CRLF3: variants seen among roughly 807,000 people sequenced by gnomAD.
The protein encoded by CRLF3 is cytokine receptor-like factor 3.
In CRLF3, 33 loss-of-function variants were observed where a neutral mutation model predicts 55.0. That is an observed-to-expected ratio of 0.60 (90% CI 0.46 to 0.80). The LOEUF (loss-of-function observed/expected upper bound fraction) is 0.80, where lower values mean the gene tolerates loss of function less well. Ranked by LOEUF, CRLF3 falls within the 30% of genes least tolerant of loss-of-function variation. CRLF3 has a pLI of 0.00. For missense variants in CRLF3, 494 were observed against 538.4 expected, an observed-to-expected ratio of 0.92 and a Z score of 0.82; for synonymous variants, 238 against 196.8, an observed-to-expected ratio of 1.21 and a Z score of -1.75.
intron 1 of CRLF3, among the ~76,000 whole-genome samples, chr17:30,818,456 CTTTTT>C (rs1370656622): frequency 7.5e-6 from 1 of 133,270 alleles, no homozygotes; most frequent in Admixed American, 7.6e-5. Context: ...TTTTCTTTTC[CTTTTT>C]TTTTTTTTTT....
chr17:30,799,360 A>G (rs973415183), intron 2 of CRLF3, among the ~76,000 whole-genome samples: 9 of 152,026 alleles, frequency 5.9e-5, no homozygotes, highest in Admixed American at 2.0e-4. Context: ...CACTGCCTCA[A>G]AGGGATTTTT....
At chr17:30,812,540 A>G (rs747780497) in intron 1 of CRLF3, among the ~76,000 whole-genome samples, 2 of 152,054 alleles carry the variant, frequency 1.3e-5, no homozygotes, top group African/African-American at 2.4e-5. Context: ...ACTTTTTTAG[A>G]AAAAAAAGTG....
chr17:30,787,550 G>C (rs1210201556), intron 6 of CRLF3: 4 of 141,674 alleles, frequency 2.8e-5, no homozygotes, highest in Non-Finnish European at 6.2e-5. Context: ...AAAAAAATTA[G>C]TGTGAAACAA....
intron 1 of CRLF3, among the ~76,000 whole-genome samples, chr17:30,809,419 T>C (rs1904540015): frequency 6.6e-6 from 1 of 152,214 alleles, no homozygotes; most frequent in Non-Finnish European, 1.5e-5. Flanking sequence ...TGCTTGACTT[T>C]ATGAAACTAA....
At chr17:30,810,981 T>G (rs2142268107) in intron 1 of CRLF3, among the ~76,000 whole-genome samples, 1 of 151,816 alleles carries the variant, frequency 6.6e-6, no homozygotes, top group Middle Eastern at 3.4e-3. Flanking sequence ...CCCAGCTGCT[T>G]GGGAGGCTAA....
intron 6 of CRLF3, among the ~76,000 whole-genome samples, chr17:30,788,350 AAAAG>A (rs1293808585): frequency 6.8e-6 from 1 of 147,706 alleles, no homozygotes; most frequent in Non-Finnish European, 1.5e-5. Flanking sequence ...AAAAGAAAAG[AAAAG>A]AAAGAAGGAA....
Position 30,784,415 on chromosome 17 carries a change from C to T in CRLF3, c.1101G>A (p.Met367Ile). 6.2e-7 allele frequency: 1 copy of T among 1,613,142 alleles called. No individual in the cohort carries two copies. Among genetic ancestry groups the T allele is most frequent in the East Asian group, 2.2e-5 (1 of 44,842 alleles). ...AAGTAACTGCGGGTAACTGATTTGTCATTTCTTTTCCATTGACAAAAACTG... is the reference window on the plus strand; with the variant it reads ...AAGTAACTGCGGGTAACTGATTTGTTATTTCTTTTCCATTGACAAAAACTG... ...NGAVFVNGKEMTNQLPAVTSG... is the reference protein window; with the variant it reads ...NGAVFVNGKEITNQLPAVTSG... The change falls in exon 8 of 8, where the codon ATG (methionine) becomes ATA (isoleucine). Residue 367 changes from methionine to isoleucine, a missense_variant. Met to Ile is a conservative substitution (Grantham distance 10). Coordinates refer to ENST00000324238, the MANE Select transcript of CRLF3 (RefSeq NM_015986.4).
intron 1 of CRLF3, among the ~76,000 whole-genome samples, chr17:30,821,622 T>C (rs1905000776): frequency 6.6e-6 from 1 of 152,226 alleles, no homozygotes; most frequent in Non-Finnish European, 1.5e-5. Context: ...TACTGTTACA[T>C]GCTACCACAT....
chr17:30,795,035 T>C (rs980600421), intron 4 of CRLF3, among the ~76,000 whole-genome samples: 9 of 152,098 alleles, frequency 5.9e-5, no homozygotes, highest in African/African-American at 2.2e-4. Context: ...AAACTTCACA[T>C]ATGTCCATAA....
At chr17:30,814,251 C>T (rs9891159) in intron 1 of CRLF3, among the ~76,000 whole-genome samples, 62,564 of 151,230 alleles carry the variant, frequency 0.41, 15,515 homozygotes, top group African/African-American at 0.72. Flanking sequence ...AGCAAGACTC[C>T]GTCTCGAAAA....
At chr17:30,789,488 A>G (rs529732938) in intron 6 of CRLF3, among the ~76,000 whole-genome samples, 2 of 152,350 alleles carry the variant, frequency 1.3e-5, no homozygotes, top group African/African-American at 4.8e-5. Flanking sequence ...ACACAGTAAT[A>G]GAGAAACTGT....
intron 2 of CRLF3, 125 bp downstream of exon 2, chr17:30,803,776 G>C: frequency 1.3e-6 from 1 of 751,240 alleles, no homozygotes; most frequent in Non-Finnish European, 2.3e-6. Context: ...GGCCTCCCCA[G>C]CCACATGGAA....
At chr17:30,817,972 T>G (rs940476528) in intron 1 of CRLF3, among the ~76,000 whole-genome samples, 5 of 151,158 alleles carry the variant, frequency 3.3e-5, no homozygotes, top group African/African-American at 2.4e-5. Context: ...TTAAAACTAT[T>G]TCATCTGGGC....
intron 2 of CRLF3, among the ~76,000 whole-genome samples, chr17:30,800,816 C>T (rs1483367284): frequency 1.3e-5 from 2 of 151,256 alleles, no homozygotes; most frequent in Admixed American, 6.6e-5. Flanking sequence ...GCTCTGTCGC[C>T]CAGGCTGGAG....
At chr17:30,788,645 T>C (rs1362413631) in intron 6 of CRLF3, among the ~76,000 whole-genome samples, 1 of 141,766 alleles carries the variant, frequency 7.1e-6, no homozygotes, top group Non-Finnish European at 1.5e-5. Context: ...TCTCACTCTG[T>C]TGCCCCGGCT....
intron 1 of CRLF3, among the ~76,000 whole-genome samples, chr17:30,806,033 T>C (rs1904391873): frequency 1.3e-5 from 2 of 151,756 alleles, no homozygotes; most frequent in South Asian, 4.2e-4. Context: ...TAAATAAAAA[T>C]GAAAAGCCAC....
chr17:30,809,035 G>C (rs1904525768), intron 1 of CRLF3, among the ~76,000 whole-genome samples: 1 of 152,210 alleles, frequency 6.6e-6, no homozygotes, highest in Non-Finnish European at 1.5e-5. Context: ...GTGCCTCTGA[G>C]GTCCTGTCTT....
chr17:30,819,789 A>G (rs1040033964), intron 1 of CRLF3, among the ~76,000 whole-genome samples: 16 of 152,216 alleles, frequency 1.1e-4, no homozygotes, highest in Admixed American at 8.5e-4. Context: ...GAATACACAA[A>G]TAGAACTTAT....
chr17:30,786,356 A>T (rs1971647804), intron 6 of CRLF3: 1 of 179,072 alleles, frequency 5.6e-6, no homozygotes, highest in South Asian at 1.3e-4. Context: ...TCTCTGCTTC[A>T]GCGTCCCAAG....
Sources: allele counts gnomAD v4.1 joint callset (sites outside exome capture counted in the v4.1 genomes callset), GRCh38; gene constraint gnomAD v4.1.1; transcripts MANE v1.5; gene names NCBI Gene and HGNC (gene_info 2026-07-23, HGNC 2026-07-21).